Variants in ACAP2 observed in about 807,000 individuals in gnomAD.
ACAP2 encodes ArfGAP with coiled-coil, ankyrin repeat and PH domains 2, also known as arf-GAP with coiled-coil, ANK repeat and PH domain-containing protein 2.
Under a neutral mutation model 115.8 loss-of-function variants are expected in ACAP2, and 39 were observed. That is an observed-to-expected ratio of 0.34 (90% CI 0.26 to 0.44). ACAP2 has a LOEUF of 0.44. ACAP2 is among the 20% of genes least tolerant of loss of function. The pLI, the probability that ACAP2 is intolerant of heterozygous loss-of-function variation, is 1.00. For missense variants in ACAP2, 662 were observed against 927.6 expected, an observed-to-expected ratio of 0.71 and a Z score of 3.72; for synonymous variants, 289 against 315.8, an observed-to-expected ratio of 0.92 and a Z score of 0.90.
rs149353992 is a variant in ACAP2 at position 195,417,435 on chromosome 3, C to T, written c.54-25288G>A. On this transcript the variant is annotated intron_variant, in intron 1 of 22. Coordinates refer to ENST00000326793, the MANE Select transcript of ACAP2 (RefSeq NM_012287.6). ...ATCCTGAATTCCTTCTTCCTCATGCCCCATATCCAAGCAATCACAATGTCC... is the reference window on the plus strand; with the variant it reads ...ATCCTGAATTCCTTCTTCCTCATGCTCCATATCCAAGCAATCACAATGTCC... 6.1e-3 allele frequency among the ~76,000 whole-genome samples: 931 copies of T among 152,166 alleles called. 10 individuals are homozygous for T. Among genetic ancestry groups the T allele is most frequent in the African/African-American group, 0.021 (889 of 41,510 alleles).
At chr3:195,293,799 T>C (rs1242745882) in intron 18 of ACAP2, among the ~76,000 whole-genome samples, 1 of 151,740 alleles carries the variant, frequency 6.6e-6, no homozygotes, top group African/African-American at 2.4e-5. Flanking sequence ...GATCATGCCA[T>C]TGCACTCCAG....
chr3:195,417,640 A>G (rs1577449216), intron 1 of ACAP2, among the ~76,000 whole-genome samples: 2 of 152,164 alleles, frequency 1.3e-5, no homozygotes, highest in East Asian at 3.9e-4. Flanking sequence ...TTTAAGAAGC[A>G]TAAATATGAT....
At chr3:195,330,209 T>C (rs576750983) in intron 8 of ACAP2, among the ~76,000 whole-genome samples, 55 of 152,342 alleles carry the variant, frequency 3.6e-4, no homozygotes, top group African/African-American at 1.3e-3. Context: ...CACCCTCGAA[T>C]TGGCTGTATA....
At chr3:195,325,501 A>C (rs961251145) in intron 9 of ACAP2, 1 of 413,326 alleles carries the variant, frequency 2.4e-6, no homozygotes, top group South Asian at 1.8e-5. Context: ...TATTCATAAT[A>C]AGCAAAAAAT....
chr3:195,373,744 A>T (rs1243920892), intron 4 of ACAP2, among the ~76,000 whole-genome samples: 1 of 152,030 alleles, frequency 6.6e-6, no homozygotes, highest in Admixed American at 6.6e-5. Context: ...AGCCTGGTCA[A>T]CATAGTGAAA....
chr3:195,373,030 A>C (rs1577374726), intron 4 of ACAP2, among the ~76,000 whole-genome samples: 1 of 150,652 alleles, frequency 6.6e-6, no homozygotes, highest in Non-Finnish European at 1.5e-5. Context: ...GATAAAAGTA[A>C]AAATGCTAAA....
chr3:195,381,828 T>C (rs1560309087), intron 3 of ACAP2, 75 bp downstream of exon 3: 1 of 1,491,344 alleles, frequency 6.7e-7, no homozygotes, highest in Non-Finnish European at 9.1e-7. Flanking sequence ...ATAAATCAGG[T>C]AGATGAATGC....
chr3:195,326,000 T>A (rs1415406227), intron 9 of ACAP2, among the ~76,000 whole-genome samples: 1 of 152,224 alleles, frequency 6.6e-6, no homozygotes, highest in Non-Finnish European at 1.5e-5. Context: ...TGAGCATTAA[T>A]AATCCATCAT....
chr3:195,421,431 T>G (rs1308200069), intron 1 of ACAP2, among the ~76,000 whole-genome samples: 1 of 152,240 alleles, frequency 6.6e-6, no homozygotes. Context: ...AGGATCAAAC[T>G]CTACCTTCAT....
intron 15 of ACAP2, among the ~76,000 whole-genome samples, chr3:195,297,593 G>C (rs751095805): frequency 1.8e-4 from 27 of 152,182 alleles, no homozygotes; most frequent in Non-Finnish European, 3.5e-4. Flanking sequence ...CTATCTCTAT[G>C]TCCACAGAAA....
intron 2 of ACAP2, among the ~76,000 whole-genome samples, chr3:195,386,154 T>C (rs1734284039): frequency 2.0e-5 from 3 of 152,218 alleles, no homozygotes; most frequent in Admixed American, 2.0e-4. Flanking sequence ...AAATATTGTA[T>C]TATTCCATTT....
At chr3:195,381,269 G>A (rs532805993) in intron 3 of ACAP2, among the ~76,000 whole-genome samples, 1 of 152,186 alleles carries the variant, frequency 6.6e-6, no homozygotes, top group East Asian at 1.9e-4. Context: ...CTAAAAATGT[G>A]AAAGAATTAA....
intron 22 of ACAP2, chr3:195,279,675 A>G (rs1726360887): frequency 6.7e-6 from 2 of 300,574 alleles, no homozygotes; most frequent in African/African-American, 2.2e-5. Flanking sequence ...GTTAGAAAAG[A>G]GCAAAGATGC....
intron 1 of ACAP2, among the ~76,000 whole-genome samples, chr3:195,438,876 A>G (rs1328189306): frequency 6.6e-6 from 1 of 152,296 alleles, no homozygotes; most frequent in South Asian, 2.1e-4. Context: ...CCTGGCTAAC[A>G]TGGTGAAACT....
intron 10 of ACAP2, among the ~76,000 whole-genome samples, chr3:195,312,473 T>C (rs779976488): frequency 2.6e-5 from 4 of 152,150 alleles, no homozygotes; most frequent in Admixed American, 6.6e-5. Flanking sequence ...GACATATATG[T>C]AATTTTTTTT....
chr3:195,362,720 G>T (rs941999458), intron 4 of ACAP2, among the ~76,000 whole-genome samples: 1 of 152,134 alleles, frequency 6.6e-6, no homozygotes, highest in African/African-American at 2.4e-5. Flanking sequence ...AAAACCATAT[G>T]ATGACTTCAA....
chr3:195,294,671 C>T (rs1435654343), intron 18 of ACAP2, 48 bp downstream of exon 18: 6 of 1,006,478 alleles, frequency 6.0e-6, no homozygotes, highest in Non-Finnish European at 7.2e-6. Context: ...ACCACATGCA[C>T]TTTCCAGCAA....
Position 195,292,326 on chromosome 3 carries a change from TCTGCACCATGAGCCAAAG to T in ACAP2, c.1874_1891del (p.Ala625_Ala630del). On this transcript the variant is annotated inframe_deletion, in exon 19 of 23. Transcript: ENST00000326793. ...TTCCTCTGAATTGGCCCAGTTCACG[TCTGCACCATGAGCCAAAG>T]CCTCAGCCATTTTAGGAAGGTTTTT... The T allele has an allele frequency of 6.2e-7, 1 of 1,613,894 alleles. No homozygotes were observed. Among genetic ancestry groups the T allele is most frequent in the Non-Finnish European group, 8.5e-7 (1 of 1,179,960 alleles).
chr3:195,344,645 C>T (rs1428502580), intron 5 of ACAP2, among the ~76,000 whole-genome samples: 1 of 152,186 alleles, frequency 6.6e-6, no homozygotes, highest in Non-Finnish European at 1.5e-5. Context: ...CTCAGTCTCC[C>T]GAGTAGCTGG....
Sources: allele counts gnomAD v4.1 joint callset (sites outside exome capture counted in the v4.1 genomes callset), GRCh38; gene constraint gnomAD v4.1.1; transcripts MANE v1.5; gene names NCBI Gene and HGNC (gene_info 2026-07-23, HGNC 2026-07-21).